The following SGCZ variants were observed in gnomAD, a reference collection of about 807,000 sequenced individuals.
The protein encoded by SGCZ is zeta-sarcoglycan.
A neutral mutation model predicts 41.3 loss-of-function variants in SGCZ; 40 were observed. The ratio of observed to expected loss-of-function variants is 0.97; its 90% CI spans 0.75 to 1.26. The LOEUF (loss-of-function observed/expected upper bound fraction) is 1.26. SGCZ is among the 50% of genes most tolerant of loss of function. The probability of loss-of-function intolerance (pLI) is 0.00; values close to 1 mark genes in which losing one functional copy is unlikely to be tolerated. For synonymous variants in SGCZ, 206 were observed against 137.5 expected, an observed-to-expected ratio of 1.50 and a Z score of -3.49; for missense variants, 552 against 369.8, an observed-to-expected ratio of 1.49 and a Z score of -4.04.
At chr8:15,143,281 C>A (rs1798946637) in intron 1 of SGCZ, among the ~76,000 whole-genome samples, 1 of 152,136 alleles carries the variant, frequency 6.6e-6, no homozygotes, top group African/African-American at 2.4e-5. Flanking sequence ...ATCGGTTTAT[C>A]ATTCTACCTT....
chr8:14,531,167 T>G (rs1318414942), intron 2 of SGCZ, among the ~76,000 whole-genome samples: 1 of 152,000 alleles, frequency 6.6e-6, no homozygotes, highest in Non-Finnish European at 1.5e-5. Context: ...CTATCATACC[T>G]CTTTCTAAAT....
chr8:14,608,842 T>C (rs1805837731), intron 1 of SGCZ, among the ~76,000 whole-genome samples: 1 of 152,088 alleles, frequency 6.6e-6, no homozygotes, highest in Non-Finnish European at 1.5e-5. Flanking sequence ...TTTTAAGCTT[T>C]TGAAAAAAAA....
chr8:14,290,439 T>A (rs2116943141), intron 3 of SGCZ, among the ~76,000 whole-genome samples: 1 of 152,110 alleles, frequency 6.6e-6, no homozygotes, highest in Admixed American at 6.5e-5. Flanking sequence ...ACTGCACATC[T>A]TATAAGGGGC....
chr8:14,397,925 C>T (rs549123189), intron 2 of SGCZ, among the ~76,000 whole-genome samples: 2 of 152,132 alleles, frequency 1.3e-5, no homozygotes, highest in African/African-American at 4.8e-5. Context: ...TCCCCTGAGC[C>T]CTGCTCTCTG....
chr8:14,324,307 G>C (rs1389750218), intron 2 of SGCZ, 103 bp from the exon 3 acceptor site: 1 of 798,566 alleles, frequency 1.3e-6, no homozygotes, highest in African/African-American at 1.7e-5. Context: ...GCTCAAATCA[G>C]TGATGATTTA....
At chr8:15,128,570 C>G (rs1017506210) in intron 1 of SGCZ, among the ~76,000 whole-genome samples, 1 of 152,300 alleles carries the variant, frequency 6.6e-6, no homozygotes, top group African/African-American at 2.4e-5. Context: ...CTATTCTGCA[C>G]TCTCTCACTG....
At chr8:15,213,868 T>G (rs904702076) in intron 1 of SGCZ, among the ~76,000 whole-genome samples, 2 of 152,028 alleles carry the variant, frequency 1.3e-5, no homozygotes, top group Admixed American at 1.3e-4. Context: ...ACCATATTTC[T>G]CTTTTTAAAA....
At chr8:14,234,034 A>G (rs1806667822) in intron 4 of SGCZ, among the ~76,000 whole-genome samples, 1 of 152,020 alleles carries the variant, frequency 6.6e-6, no homozygotes, top group African/African-American at 2.4e-5. Context: ...ATGAAGGTCA[A>G]GAAAATTAGA....
intron 2 of SGCZ, among the ~76,000 whole-genome samples, chr8:14,347,809 T>G (rs1217547296): frequency 6.6e-6 from 1 of 152,142 alleles, no homozygotes; most frequent in African/African-American, 2.4e-5. Flanking sequence ...CTTTTAGGTC[T>G]ATAACTTGAA....
chr8:14,448,149 A>G (rs1446999719), intron 2 of SGCZ, among the ~76,000 whole-genome samples: 1 of 152,242 alleles, frequency 6.6e-6, no homozygotes, highest in East Asian at 1.9e-4. Flanking sequence ...GAAGATATCC[A>G]CAAGAAAGCA....
intron 1 of SGCZ, among the ~76,000 whole-genome samples, chr8:14,836,269 A>C (rs1365616602): frequency 6.6e-6 from 1 of 152,212 alleles, no homozygotes; most frequent in African/African-American, 2.4e-5. Flanking sequence ...TGAATCACTT[A>C]TGCTGAATTC....
intron 1 of SGCZ, among the ~76,000 whole-genome samples, chr8:14,638,749 T>C (rs536903861): frequency 6.6e-6 from 1 of 151,946 alleles, no homozygotes; most frequent in East Asian, 1.9e-4. Flanking sequence ...TCCTTTATTG[T>C]GCTCCTAGAG....
intron 1 of SGCZ, among the ~76,000 whole-genome samples, chr8:15,185,436 T>A (rs914576983): frequency 3.3e-5 from 5 of 152,236 alleles, no homozygotes; most frequent in African/African-American, 9.6e-5. Flanking sequence ...AAGTACTCAC[T>A]GAGACACTGC....
At chr8:14,116,200 GAAAA>G (rs965006526) in intron 5 of SGCZ, among the ~76,000 whole-genome samples, 2 of 152,076 alleles carry the variant, frequency 1.3e-5, no homozygotes. Flanking sequence ...TTTTTACTCT[GAAAA>G]ACAAAATATT....
At chr8:14,520,842 C>G (rs1802766866) in intron 2 of SGCZ, among the ~76,000 whole-genome samples, 1 of 151,950 alleles carries the variant, frequency 6.6e-6, no homozygotes, top group Non-Finnish European at 1.5e-5. Context: ...CTCACGCTCT[C>G]TAATAACAGT....
intron 2 of SGCZ, among the ~76,000 whole-genome samples, chr8:14,518,957 T>C (rs1273910954): frequency 1.4e-5 from 2 of 147,284 alleles, no homozygotes; most frequent in Non-Finnish European, 3.0e-5. Flanking sequence ...CGGTCCCAGA[T>C]ACTTGGGAGG....
At chr8:14,536,821 C>T (rs1403154847) in intron 2 of SGCZ, among the ~76,000 whole-genome samples, 1 of 151,684 alleles carries the variant, frequency 6.6e-6, no homozygotes, top group Non-Finnish European at 1.5e-5. Context: ...GATATAAGTG[C>T]CACAAAAAAG....
chr8:14,743,761 G>T (rs549043064), intron 1 of SGCZ, among the ~76,000 whole-genome samples: 1 of 151,998 alleles, frequency 6.6e-6, no homozygotes, highest in East Asian at 1.9e-4. Context: ...AAGAAAACCA[G>T]AAACTAAAGA....
intron 3 of SGCZ, among the ~76,000 whole-genome samples, chr8:14,323,767 C>T (rs757574153): frequency 6.6e-6 from 1 of 152,170 alleles, no homozygotes; most frequent in African/African-American, 2.4e-5. Context: ...CAAATCAGTG[C>T]CTTTTTGAAA....
Sources: allele counts gnomAD v4.1 joint callset (sites outside exome capture counted in the v4.1 genomes callset), GRCh38; gene constraint gnomAD v4.1.1; transcripts MANE v1.5; gene names NCBI Gene and HGNC (gene_info 2026-07-23, HGNC 2026-07-21).